The following SERGEF variants were observed in gnomAD, a reference collection of about 807,000 sequenced individuals.
The protein encoded by SERGEF is secretion regulating guanine nucleotide exchange factor.
In SERGEF, 51 loss-of-function variants were observed where a neutral mutation model predicts 50.0. That is an observed-to-expected ratio of 1.02 (90% CI 0.81 to 1.29). The LOEUF (loss-of-function observed/expected upper bound fraction) is 1.29. Among genes scored for constraint, SERGEF ranks in the 50% most tolerant of loss-of-function variants. The probability of loss-of-function intolerance (pLI) is 0.00; values close to 1 mark genes in which losing one functional copy is unlikely to be tolerated. For missense variants in SERGEF, 521 were observed against 557.0 expected (o/e 0.94, Z 0.65); for synonymous variants, 205 against 212.4 (o/e 0.97, Z 0.30).
chr11:17,975,886 T>C (rs1853362119), intron 8 of SERGEF, among the ~76,000 whole-genome samples: 1 of 152,144 alleles, frequency 6.6e-6, no homozygotes. Flanking sequence ...TTCTATAGAT[T>C]TTTTCGCAGT....
chr11:17,794,733 G>A (rs2133820344), intron 10 of SERGEF, among the ~76,000 whole-genome samples: 1 of 152,344 alleles, frequency 6.6e-6, no homozygotes, highest in Non-Finnish European at 1.5e-5. Context: ...ACAAGAGGCA[G>A]AGCTGGATTC....
intron 10 of SERGEF, among the ~76,000 whole-genome samples, chr11:17,833,352 C>T (rs1268896212): frequency 6.6e-6 from 1 of 152,162 alleles, no homozygotes; most frequent in Non-Finnish European, 1.5e-5. Context: ...TGGGAACCTT[C>T]GTCTAGATTT....
intron 5 of SERGEF, among the ~76,000 whole-genome samples, chr11:17,999,263 T>A (rs1853909235): frequency 6.6e-6 from 1 of 152,228 alleles, no homozygotes; most frequent in Non-Finnish European, 1.5e-5. Context: ...GTAATGGAAC[T>A]GTTCTATATC....
intron 9 of SERGEF, among the ~76,000 whole-genome samples, chr11:17,951,522 C>T (rs1852773971): frequency 6.6e-6 from 1 of 152,160 alleles, no homozygotes; most frequent in African/African-American, 2.4e-5. Context: ...CTTACTGTCC[C>T]AATACTTACT....
intron 9 of SERGEF, among the ~76,000 whole-genome samples, chr11:17,903,519 T>C (rs2133922543): frequency 6.6e-6 from 1 of 152,338 alleles, no homozygotes; most frequent in Admixed American, 6.5e-5. Context: ...GATTGTAGAA[T>C]GTTTAATGAA....
At chr11:17,814,000 C>T (rs1849919851) in intron 10 of SERGEF, among the ~76,000 whole-genome samples, 1 of 152,162 alleles carries the variant, frequency 6.6e-6, no homozygotes, top group African/African-American at 2.4e-5. Flanking sequence ...AGCTTGTGGG[C>T]CTACATGCCA....
chr11:18,004,613 G>A, intron 3 of SERGEF, 78 bp from the exon 4 acceptor site: 1 of 965,550 alleles, frequency 1.0e-6, no homozygotes, highest in Admixed American at 2.0e-5. Context: ...TGCAGGGTGA[G>A]AGATGCAAAG....
intron 9 of SERGEF, among the ~76,000 whole-genome samples, chr11:17,938,888 G>A (rs1386651313): frequency 1.3e-5 from 2 of 152,146 alleles, no homozygotes; most frequent in African/African-American, 4.8e-5. Flanking sequence ...AGAAGAGGCT[G>A]GAGCAATGGA....
At chr11:17,869,976 C>A (rs1446740352) in intron 10 of SERGEF, among the ~76,000 whole-genome samples, 1 of 152,166 alleles carries the variant, frequency 6.6e-6, no homozygotes, top group African/African-American at 2.4e-5. Context: ...ATAATCCCCA[C>A]ATGTCAAGGG....
intron 9 of SERGEF, among the ~76,000 whole-genome samples, chr11:17,896,691 G>GGGGAAGGGTAA (rs1394170766): frequency 5.0e-5 from 3 of 59,498 alleles, no homozygotes; most frequent in African/African-American, 5.0e-5. Flanking sequence ...GGAAGGGAAA[G>GGGGAAGGGTAA]GGGAAGGGTA....
chr11:17,807,692 C>T (rs1237804878), intron 10 of SERGEF, among the ~76,000 whole-genome samples: 1 of 152,172 alleles, frequency 6.6e-6, no homozygotes, highest in Non-Finnish European at 1.5e-5. Flanking sequence ...CCTAATTCCA[C>T]GTCATTTACA....
chr11:17,818,238 A>T (rs1433263530), intron 10 of SERGEF, among the ~76,000 whole-genome samples: 1 of 152,060 alleles, frequency 6.6e-6, no homozygotes, highest in African/African-American at 2.4e-5. Flanking sequence ...AGGAACTCAG[A>T]CCTCTGAGCC....
chr11:17,951,280 A>G (rs1417315296), intron 9 of SERGEF, among the ~76,000 whole-genome samples: 1 of 152,322 alleles, frequency 6.6e-6, no homozygotes, highest in East Asian at 1.9e-4. Context: ...AAACGCCCTT[A>G]TATATACTAT....
At chr11:17,857,974 T>C (rs1271380020) in intron 10 of SERGEF, among the ~76,000 whole-genome samples, 1 of 152,082 alleles carries the variant, frequency 6.6e-6, no homozygotes, top group Non-Finnish European at 1.5e-5. Flanking sequence ...TTCAGATGAA[T>C]ACCACAGATG....
chr11:17,996,261 C>A (rs776062331), intron 5 of SERGEF, among the ~76,000 whole-genome samples: 1 of 152,078 alleles, frequency 6.6e-6, no homozygotes, highest in Non-Finnish European at 1.5e-5. Context: ...CAGAAAAGAA[C>A]CTTGAAGATC....
intron 10 of SERGEF, among the ~76,000 whole-genome samples, chr11:17,801,998 G>C (rs1330365476): frequency 6.6e-6 from 1 of 152,104 alleles, no homozygotes; most frequent in African/African-American, 2.4e-5. Flanking sequence ...TATTTGAAAG[G>C]AAAATTACCA....
chr11:17,908,884 G>A (rs527527), intron 9 of SERGEF, among the ~76,000 whole-genome samples: 103,833 of 151,684 alleles, frequency 0.68, 36,032 homozygotes, highest in African/African-American at 0.79. Flanking sequence ...ATAGGGTTCC[G>A]TCATCAGCAT....
At chr11:17,804,833 T>A (rs1007739039) in intron 10 of SERGEF, among the ~76,000 whole-genome samples, 8 of 152,210 alleles carry the variant, frequency 5.3e-5, no homozygotes, top group African/African-American at 1.9e-4. Flanking sequence ...TCTCCTACTG[T>A]CTGTAACTAA....
At chr11:17,790,336 TA>T (rs1345921128) in intron 10 of SERGEF, among the ~76,000 whole-genome samples, 4 of 148,410 alleles carry the variant, frequency 2.7e-5, no homozygotes, top group Non-Finnish European at 6.0e-5. Context: ...ATCATTCACA[TA>T]TTTTTTTTTT....
Sources: gnomAD v4.1 joint callset for allele counts (sites outside exome capture counted in the v4.1 genomes callset) on GRCh38, gnomAD v4.1.1 for gene constraint, MANE v1.5 for transcripts, NCBI Gene and HGNC (gene_info 2026-07-23, HGNC 2026-07-21) for gene names.